The following USP26 variants were observed in gnomAD, a reference collection of about 807,000 sequenced individuals.
USP26 encodes the protein ubiquitin carboxyl-terminal hydrolase 26.
For missense variants in USP26, 649 were observed against 642.3 expected, an observed-to-expected ratio of 1.01 and a Z score of -0.11; for synonymous variants, 236 against 240.6, an observed-to-expected ratio of 0.98 and a Z score of 0.18.
At chrX:133,077,810 G>A (rs181965775) in intron 5 of USP26, among the ~76,000 whole-genome samples, 8 of 111,818 alleles carry the variant, frequency 7.2e-5, no homozygotes, top group South Asian at 3.8e-4. Context: ...GGCTGGGTGC[G>A]GTGGCTTACG....
In USP26 at chrX:133,059,763, A is replaced by T. The variant is rs1010317171; in HGVS notation, c.-77+23944T>A. On this transcript the variant is annotated intron_variant, in intron 5 of 5. Coordinates refer to ENST00000511190, the MANE Select transcript of USP26 (RefSeq NM_031907.3). ...AGACTACTCCATAAACGGGTTCAGG[A>T]CCTAGATAAGGACTTCTGTTTAACA... Among the ~76,000 whole-genome samples, 3 of 111,616 alleles carry T rather than the reference A, an allele frequency of 2.7e-5. No individual in the cohort carries two copies. In the Admixed American group the frequency reaches 2.9e-4, roughly 11 times the overall value.
chrX:133,096,163 A>C (rs868280636), intron 1 of USP26, among the ~76,000 whole-genome samples: 8 of 95,292 alleles, frequency 8.4e-5, no homozygotes, highest in South Asian at 5.8e-4. Context: ...AAGCACTGGG[A>C]TTACAAACAC....
rs1337447016 is a variant in USP26, at chrX:133,083,699, A to G, written c.-77+8T>C. Reference sequence around the variant, plus strand: ...TAATTCTCCTCTGTGACTTATATATATCCTTACCTCCACAAGGATCCTGAG... The same window carrying G: ...TAATTCTCCTCTGTGACTTATATATGTCCTTACCTCCACAAGGATCCTGAG... On this transcript the variant is annotated splice_region_variant and intron_variant, in intron 5 of 5. Transcript: ENST00000511190. 1.8e-5 allele frequency: 2 copies of G among 111,728 alleles called. No homozygotes were observed. The allele number at this position is 111,728 out of a possible 1,213,427, so 9.2% of individuals were successfully genotyped here. A position where few individuals can be genotyped will look rare whatever the true frequency, so the allele number is the denominator to read the frequency against.
chrX:133,067,790 G>A (rs768051124), intron 5 of USP26, among the ~76,000 whole-genome samples: 3 of 111,884 alleles, frequency 2.7e-5, no homozygotes, highest in South Asian at 3.8e-4. Flanking sequence ...TTAAAACCTA[G>A]ATGATGTGTT....
rs1223138383 is a variant in USP26 at position 133,085,940 on chromosome X, T to A, written c.-141-2169A>T. 3.6e-5 allele frequency among the ~76,000 whole-genome samples: 4 copies of A among 110,463 alleles called. No homozygotes were observed. The East Asian group carries it at 1.2e-3, about 32-fold the overall frequency. ...CTCCCACATCCAGAAGATGTGTAGA[T>A]GGGGTTAACTGGCATGCCTAAATGG... is the stretch of plus-strand genomic sequence containing the variant. On this transcript the variant is annotated intron_variant, in intron 4 of 5. Coordinates refer to ENST00000511190, the MANE Select transcript of USP26 (RefSeq NM_031907.3).
chrX:133,059,981 T>C (rs1367070878), intron 5 of USP26, among the ~76,000 whole-genome samples: 1 of 111,597 alleles, frequency 9.0e-6, no homozygotes. Context: ...GTTCAGCAGA[T>C]TAGTATAAGA....
chrX:133,064,506 G>T (rs894100983), intron 5 of USP26, among the ~76,000 whole-genome samples: 1 of 111,745 alleles, frequency 8.9e-6, no homozygotes, highest in African/African-American at 3.3e-5. Context: ...AAATGCAAAA[G>T]AACAGAAATC....
chrX:133,064,689 C>T (rs917049463), intron 5 of USP26, among the ~76,000 whole-genome samples: 3 of 111,665 alleles, frequency 2.7e-5, no homozygotes, highest in Non-Finnish European at 5.6e-5. Flanking sequence ...AGAACAAAGA[C>T]ACAACGTACC....
At chrX:133,078,432 G>T (rs954580389) in intron 5 of USP26, among the ~76,000 whole-genome samples, 2 of 111,795 alleles carry the variant, frequency 1.8e-5, no homozygotes, top group African/African-American at 6.5e-5. Context: ...GTCACTTTCT[G>T]AAGGAGTAGA....
At chrX:133,037,278 G>A (rs2067399412) in intron 5 of USP26, among the ~76,000 whole-genome samples, 1 of 111,984 alleles carries the variant, frequency 8.9e-6, no homozygotes, top group African/African-American at 3.2e-5. Context: ...GTATTGCCTA[G>A]GTTTTCTTCT....
intron 5 of USP26, among the ~76,000 whole-genome samples, chrX:133,077,012 T>C (rs2067551391): frequency 8.9e-6 from 1 of 112,292 alleles, no homozygotes; most frequent in African/African-American, 3.2e-5. Flanking sequence ...GAGTAACCAA[T>C]ACTAAGTACT....
intron 5 of USP26, among the ~76,000 whole-genome samples, chrX:133,044,759 G>C (rs1342880373): frequency 8.8e-6 from 1 of 113,395 alleles, no homozygotes; most frequent in Non-Finnish European, 1.9e-5. Flanking sequence ...GGGCTGAGGA[G>C]TGCAAGCACA....
At chrX:133,037,056 T>G (rs1291828595) in intron 5 of USP26, among the ~76,000 whole-genome samples, 5 of 112,377 alleles carry the variant, frequency 4.4e-5, no homozygotes, top group Non-Finnish European at 7.5e-5. Context: ...TTAAGTTCTT[T>G]GTAGATTCTG....
intron 1 of USP26, among the ~76,000 whole-genome samples, chrX:133,094,833 G>A (rs1238434913): frequency 1.8e-5 from 2 of 111,504 alleles, no homozygotes; most frequent in East Asian, 2.8e-4. Flanking sequence ...AGTGGCTCAC[G>A]CCTGTAATCC....
At chrX:133,080,068 T>C (rs1231638620) in intron 5 of USP26, among the ~76,000 whole-genome samples, 1 of 111,414 alleles carries the variant, frequency 9.0e-6, no homozygotes, top group Non-Finnish European at 1.9e-5. Context: ...ATGGAAGAAG[T>C]ACAGACAAAA....
At chrX:133,053,681 T>C (rs1396945076) in intron 5 of USP26, among the ~76,000 whole-genome samples, 2 of 111,909 alleles carry the variant, frequency 1.8e-5, no homozygotes, top group Non-Finnish European at 3.8e-5. Flanking sequence ...TGTTCTTTTC[T>C]AGACGTAAGT....
At chrX:133,068,070 C>T (rs1415415151) in intron 5 of USP26, among the ~76,000 whole-genome samples, 1 of 111,716 alleles carries the variant, frequency 9.0e-6, no homozygotes, top group Non-Finnish European at 1.9e-5. Flanking sequence ...ACTATGTAAC[C>T]ATAAAAAAGA....
chrX:133,075,566 G>A (rs2067545269), intron 5 of USP26, among the ~76,000 whole-genome samples: 2 of 111,951 alleles, frequency 1.8e-5, no homozygotes, highest in Admixed American at 1.9e-4. Flanking sequence ...ATTAGGGCAG[G>A]AATCGCTAAG....
At chrX:133,085,568 C>T (rs1313461075) in intron 4 of USP26, among the ~76,000 whole-genome samples, 2 of 112,211 alleles carry the variant, frequency 1.8e-5, no homozygotes, top group Non-Finnish European at 3.8e-5. Flanking sequence ...TATGCTGCTA[C>T]TGAAGTCATA....
Sources: gnomAD v4.1 joint callset for allele counts (sites outside exome capture counted in the v4.1 genomes callset) on GRCh38, gnomAD v4.1.1 for gene constraint, MANE v1.5 for transcripts, NCBI Gene and HGNC (gene_info 2026-07-23, HGNC 2026-07-21) for gene names.